LARGE1: variants seen among roughly 807,000 people sequenced by gnomAD.
LARGE1 encodes xylosyl- and glucuronyltransferase LARGE1.
Under a neutral mutation model 87.6 loss-of-function variants are expected in LARGE1, and 43 were observed. The observed-to-expected ratio is 0.49, with a 90% CI of 0.38 to 0.63. The LOEUF (loss-of-function observed/expected upper bound fraction) is 0.63, where lower values mean the gene tolerates loss of function less well. Among genes scored for constraint, LARGE1 ranks in the 30% least tolerant of loss-of-function variants. The pLI, the probability that LARGE1 is intolerant of heterozygous loss-of-function variation, is 0.00. For missense variants in LARGE1, 802 were observed against 1,000.2 expected, an observed-to-expected ratio of 0.80 and a Z score of 2.67; for synonymous variants, 434 against 394.6, an observed-to-expected ratio of 1.10 and a Z score of -1.18.
intron 11 of LARGE1, among the ~76,000 whole-genome samples, chr22:33,196,004 C>T (rs1342296316): frequency 1.3e-5 from 2 of 151,140 alleles, no homozygotes; most frequent in Non-Finnish European, 3.0e-5. Context: ...GTGGTCCGCC[C>T]GTCTCAGCCT....
intron 6 of LARGE1, among the ~76,000 whole-genome samples, chr22:33,512,271 AAC>A (rs1371499722): frequency 6.6e-6 from 1 of 152,108 alleles, no homozygotes; most frequent in Admixed American, 6.6e-5. Flanking sequence ...AAAGAAATTC[AAC>A]AGTCTTTAAT....
At position 33,564,847 on chromosome 22, in the gene LARGE1, C is replaced by T; in HGVS notation, c.787+1G>A. 6.2e-7 allele frequency: 1 copy of T among 1,614,158 alleles called. No individual in the cohort carries two copies. Among genetic ancestry groups the T allele is most frequent in the Non-Finnish European group, 8.5e-7 (1 of 1,180,020 alleles). On this transcript the variant is annotated splice_donor_variant, in intron 6 of 14. Transcript: ENST00000397394. LOFTEE classifies it high-confidence loss of function. ...GGAAAAAACGAATGGGCTACCATTACCTTTGAACTTGTGGAACACAGCCCA... is the reference window on the plus strand; with the variant it reads ...GGAAAAAACGAATGGGCTACCATTATCTTTGAACTTGTGGAACACAGCCCA...
chr22:33,590,320 GT>G (rs2078799201), intron 5 of LARGE1, among the ~76,000 whole-genome samples: 1 of 152,144 alleles, frequency 6.6e-6, no homozygotes, highest in African/African-American at 2.4e-5. Context: ...AATTAAAGTT[GT>G]TATCCAGTAA....
chr22:33,597,655 G>A (rs778696889), intron 5 of LARGE1, among the ~76,000 whole-genome samples: 3 of 152,082 alleles, frequency 2.0e-5, no homozygotes, highest in African/African-American at 7.2e-5. Context: ...GGTAACAAGC[G>A]GGCATTGGGT....
chr22:33,594,543 C>A (rs2148934204), intron 5 of LARGE1, among the ~76,000 whole-genome samples: 1 of 152,260 alleles, frequency 6.6e-6, no homozygotes, highest in East Asian at 1.9e-4. Flanking sequence ...TGTCAAACAC[C>A]TCTGGTCTTT....
chr22:33,880,842 C>G (rs2064658077), intron 1 of LARGE1, among the ~76,000 whole-genome samples: 1 of 152,156 alleles, frequency 6.6e-6, no homozygotes. Flanking sequence ...CTCGCTGTGC[C>G]CATTCTGTGG....
chr22:33,663,391 TAAG>T (rs1383539154), intron 2 of LARGE1, among the ~76,000 whole-genome samples: 7 of 152,118 alleles, frequency 4.6e-5, no homozygotes, highest in Admixed American at 4.6e-4. Context: ...CTTATAAAAG[TAAG>T]AAGAATAAAA....
chr22:33,611,763 A>G (rs561204488), intron 4 of LARGE1, among the ~76,000 whole-genome samples: 6 of 152,200 alleles, frequency 3.9e-5, no homozygotes, highest in African/African-American at 1.2e-4. Context: ...CCCCCACTCA[A>G]ATCTCATGTT....
At chr22:33,472,650 C>A (rs1268172590) in intron 6 of LARGE1, among the ~76,000 whole-genome samples, 16 of 152,164 alleles carry the variant, frequency 1.1e-4, no homozygotes, top group Non-Finnish European at 2.4e-4. Context: ...AGCAGATAGT[C>A]ATTTTAGTGA....
At chr22:33,787,607 A>T (rs776505028) in intron 1 of LARGE1, among the ~76,000 whole-genome samples, 29 of 152,146 alleles carry the variant, frequency 1.9e-4, no homozygotes, top group Non-Finnish European at 2.9e-4. Flanking sequence ...AACATGTTGC[A>T]CTCAGCTCAA....
chr22:33,890,926 C>T (rs2064987623), intron 1 of LARGE1, among the ~76,000 whole-genome samples: 4 of 152,076 alleles, frequency 2.6e-5, no homozygotes, highest in Non-Finnish European at 5.9e-5. Flanking sequence ...GATTTACTGC[C>T]CTAGCGCCAA....
intron 1 of LARGE1, among the ~76,000 whole-genome samples, chr22:33,848,780 G>A (rs2063503504): frequency 6.6e-6 from 1 of 152,218 alleles, no homozygotes; most frequent in South Asian, 2.1e-4. Context: ...GGCAGAGAGA[G>A]GGACCTGGGG....
chr22:33,650,324 G>A lies in LARGE1; in HGVS notation c.408+43C>T, dbSNP rs370450391. 1.6e-4 allele frequency: 253 copies of A among 1,611,784 alleles called. 2 individuals carry two copies. The South Asian group carries it at 2.7e-3, about 17-fold the overall frequency. On this transcript the variant is annotated intron_variant, in intron 3 of 14. Transcript: ENST00000397394. ...CATTTGCAAGGGGTGAGGGCAATCG[G>A]GACTTTGGACAACTTCCTCCCCAGG...
chr22:33,283,476 T>G (rs1930882586), intron 12 of LARGE1, 128 bp from the exon 13 acceptor site: 1 of 1,041,750 alleles, frequency 9.6e-7, no homozygotes, highest in African/African-American at 1.6e-5. Context: ...ATCCTCTCAA[T>G]TAAAGATGGG....
At chr22:33,613,514 A>G (rs1274508836) in intron 4 of LARGE1, among the ~76,000 whole-genome samples, 1 of 151,320 alleles carries the variant, frequency 6.6e-6, no homozygotes, top group African/African-American at 2.4e-5. Flanking sequence ...TTTTGGAAAC[A>G]GAGTTTTCAC....
At position 33,408,160 on chromosome 22, in the gene LARGE1, T is replaced by A. The variant is rs548400150; in HGVS notation, c.893-23856A>T. 2.8e-3 allele frequency among the ~76,000 whole-genome samples: 427 copies of A among 152,182 alleles called. 2 individuals are homozygous for A. The highest frequency in any genetic ancestry group is 3.6e-3 in the Non-Finnish European group (244 of 68,004). On this transcript the variant is annotated intron_variant, in intron 7 of 14. Transcript: ENST00000397394. ...CACGCCCAGCTAATTTTTTTTTGTA[T>A]TTTTAACAAAGACGGGGTTTTGCCA...
chr22:33,760,818 G>T lies in LARGE1; in HGVS notation c.106+553C>A, dbSNP rs145139512. On this transcript the variant is annotated intron_variant, in intron 2 of 14. Coordinates refer to ENST00000397394, the MANE Select transcript of LARGE1 (RefSeq NM_133642.5). The stretch of plus-strand genomic sequence containing the variant: ...ACCTGTAGTCCTAGCTACTTGGGAG[G>T]TTGAGGCAGGAGAATCACTTGAACT... Among the ~76,000 whole-genome samples the T allele has an allele frequency of 5.4e-3, 827 of 152,288 alleles. 2 individuals are homozygous for T. Among genetic ancestry groups the T allele is most frequent in the African/African-American group, 0.019 (798 of 41,566 alleles).
intron 6 of LARGE1, among the ~76,000 whole-genome samples, chr22:33,435,026 A>G (rs2067216040): frequency 6.6e-6 from 1 of 152,078 alleles, no homozygotes; most frequent in South Asian, 2.1e-4. Flanking sequence ...TTTGAGATGG[A>G]GTCTTGCTCT....
At chr22:33,430,645 G>A (rs904672459) in intron 7 of LARGE1, among the ~76,000 whole-genome samples, 5 of 152,194 alleles carry the variant, frequency 3.3e-5, no homozygotes, top group Non-Finnish European at 5.9e-5. Flanking sequence ...GTTAGCTAAG[G>A]AATGTCCCCG....
Sources: gnomAD v4.1 joint callset for allele counts (sites outside exome capture counted in the v4.1 genomes callset) on GRCh38, gnomAD v4.1.1 for gene constraint, MANE v1.5 for transcripts, NCBI Gene and HGNC (gene_info 2026-07-23, HGNC 2026-07-21) for gene names.